The following EYA4 variants were observed in gnomAD, a reference collection of about 807,000 sequenced individuals.
EYA4 encodes the protein protein phosphatase EYA4.
EYA4 carries 31 observed loss-of-function variants against 87.9 expected under a neutral mutation model. That is an observed-to-expected ratio of 0.35 (90% CI 0.27 to 0.48). The LOEUF (loss-of-function observed/expected upper bound fraction) is 0.48. Among genes scored for constraint, EYA4 ranks in the 20% least tolerant of loss-of-function variants. The pLI is 0.99. For synonymous variants in EYA4, 263 were observed against 270.6 expected (o/e 0.97, Z 0.28); for missense variants, 678 against 761.4 (o/e 0.89, Z 1.29).
chr6:133,447,659 G>T (rs1442677440), intron 4 of EYA4, among the ~76,000 whole-genome samples: 1 of 152,012 alleles, frequency 6.6e-6, no homozygotes, highest in Non-Finnish European at 1.5e-5. Flanking sequence ...GCAATCTAAA[G>T]TTTTCTCTGT....
intron 13 of EYA4, among the ~76,000 whole-genome samples, chr6:133,483,968 C>A (rs115989487): frequency 0.031 from 4,757 of 152,114 alleles, 257 homozygotes; most frequent in African/African-American, 0.11. Flanking sequence ...AAGTGATCTG[C>A]CTGCCCCTCG....
chr6:133,464,629 G>C (rs973717805), intron 9 of EYA4, 150 bp from the exon 10 acceptor site: 1 of 653,404 alleles, frequency 1.5e-6, no homozygotes, highest in Admixed American at 2.2e-5. Flanking sequence ...AGAGAGCTAA[G>C]CCTATTTTCT....
At chr6:133,243,158 G>A (rs1248114515) in intron 1 of EYA4, among the ~76,000 whole-genome samples, 1 of 151,542 alleles carries the variant, frequency 6.6e-6, no homozygotes, top group African/African-American at 2.4e-5. Flanking sequence ...GGACTCTGGT[G>A]TTCAAACCCA....
At chr6:133,283,717 T>C (rs1396398349) in intron 2 of EYA4, among the ~76,000 whole-genome samples, 1 of 152,208 alleles carries the variant, frequency 6.6e-6, no homozygotes, top group East Asian at 1.9e-4. Flanking sequence ...AGTGTGGTTT[T>C]GTTACGTGGA....
At chr6:133,417,895 C>T (rs372099200) in intron 3 of EYA4, among the ~76,000 whole-genome samples, 1 of 152,108 alleles carries the variant, frequency 6.6e-6, no homozygotes, top group Non-Finnish European at 1.5e-5. Context: ...TTCACTCACC[C>T]CAAGCATGTA....
chr6:133,510,654 C>A, intron 14 of EYA4: 1 of 206,178 alleles, frequency 4.9e-6, no homozygotes, highest in South Asian at 7.1e-5. Context: ...AATACTTGGT[C>A]AAAGAGGGGA....
At chr6:133,343,465 C>A (rs1197388970) in intron 2 of EYA4, among the ~76,000 whole-genome samples, 2 of 152,040 alleles carry the variant, frequency 1.3e-5, no homozygotes, top group African/African-American at 4.8e-5. Context: ...TATCCTGGAT[C>A]ACTGTTGTTG....
intron 3 of EYA4, among the ~76,000 whole-genome samples, chr6:133,410,011 T>C (rs937328932): frequency 6.6e-6 from 1 of 152,162 alleles, no homozygotes; most frequent in Non-Finnish European, 1.5e-5. Flanking sequence ...ATTTAAAAAA[T>C]AGAGTTATTA....
At chr6:133,328,891 C>T (rs1399578717) in intron 2 of EYA4, among the ~76,000 whole-genome samples, 1 of 152,082 alleles carries the variant, frequency 6.6e-6, no homozygotes, top group Non-Finnish European at 1.5e-5. Context: ...TGCAAAAGCT[C>T]CCATCTGATA....
chr6:133,465,009 A>G lies in EYA4; in HGVS notation c.804+151A>G, dbSNP rs552363737. On this transcript the variant is annotated intron_variant, in intron 10 of 19. Transcript: ENST00000355286. Reference sequence around the variant, plus strand: ...ATTTCAGGATAGTAAAAAATTAGCTATCTAGAATTCTTGGAATATGCATTA... The same window carrying G: ...ATTTCAGGATAGTAAAAAATTAGCTGTCTAGAATTCTTGGAATATGCATTA... 4.8e-6 allele frequency: 3 copies of G among 629,702 alleles called. No individual in the cohort carries two copies. In the Admixed American group the frequency reaches 9.0e-5, roughly 19 times the overall value. 39.0% of individuals were successfully genotyped at this position (629,702 alleles called of 1,614,324 possible).
chr6:133,376,623 C>T (rs1485300692), intron 2 of EYA4, among the ~76,000 whole-genome samples: 1 of 151,732 alleles, frequency 6.6e-6, no homozygotes, highest in Non-Finnish European at 1.5e-5. Flanking sequence ...TATTTGCAAA[C>T]TTTTTTTATG....
intron 2 of EYA4, among the ~76,000 whole-genome samples, chr6:133,290,385 AT>A (rs1194366197): frequency 2.0e-5 from 3 of 152,162 alleles, no homozygotes; most frequent in Admixed American, 6.6e-5. Context: ...GAAGAAAAAA[AT>A]TTGATATGGG....
intron 13 of EYA4, among the ~76,000 whole-genome samples, chr6:133,485,867 AG>A (rs1281023028): frequency 6.6e-6 from 1 of 152,246 alleles, no homozygotes; most frequent in Non-Finnish European, 1.5e-5. Context: ...TTACATTTAT[AG>A]GATACCTGTC....
chr6:133,462,157 C>T, intron 7 of EYA4, 178 bp from the exon 8 acceptor site: 1 of 720,380 alleles, frequency 1.4e-6, no homozygotes, highest in Non-Finnish European at 2.4e-6. Context: ...ACTAGATTGG[C>T]TTGTAGCAGA....
In EYA4 at chr6:133,367,380, G is replaced by A. The variant is rs569085444; in HGVS notation, c.34-15012G>A. Among the ~76,000 whole-genome samples, 8 of 152,328 alleles carry A rather than the reference G, an allele frequency of 5.3e-5. No homozygotes were observed. In the South Asian group the frequency reaches 8.3e-4, roughly 16 times the overall value. On this transcript the variant is annotated intron_variant, in intron 2 of 19. Transcript: ENST00000355286. Reference sequence around the variant, plus strand: ...AAAGGATGCACCCCATGAAACTGCAGTAATTAATTTATTTTCTTGATTTTA... The same window carrying A: ...AAAGGATGCACCCCATGAAACTGCAATAATTAATTTATTTTCTTGATTTTA...
Position 133,294,381 on chromosome 6 carries a change from T to G in EYA4, c.33+19568T>G, listed in dbSNP as rs867443184. Among the ~76,000 whole-genome samples the G allele has an allele frequency of 3.2e-4, 49 of 151,216 alleles. 1 individual carries two copies. Among genetic ancestry groups the G allele is most frequent in the Middle Eastern group, 3.4e-3 (1 of 290 alleles). On this transcript the variant is annotated intron_variant, in intron 2 of 19. Transcript: ENST00000355286. ...TTTGTTTTTGTTTTTTTTGTTTTTT[T>G]TTTTAAGAGACAGTCTTACTTCATT...
At chr6:133,319,753 G>A (rs902591081) in intron 2 of EYA4, among the ~76,000 whole-genome samples, 1 of 142,158 alleles carries the variant, frequency 7.0e-6, no homozygotes, top group Admixed American at 7.2e-5. Flanking sequence ...GCTTCACTCT[G>A]TCACTCAGGC....
chr6:133,430,688 AC>A (rs1791106525), intron 3 of EYA4, among the ~76,000 whole-genome samples: 1 of 152,184 alleles, frequency 6.6e-6, no homozygotes. Flanking sequence ...GTGCAGCAAA[AC>A]CTGGGTAACT....
intron 2 of EYA4, among the ~76,000 whole-genome samples, chr6:133,336,759 A>G (rs940283748): frequency 1.1e-4 from 17 of 152,228 alleles, no homozygotes; most frequent in Admixed American, 1.1e-3. Flanking sequence ...TTTAAAAGCA[A>G]TGATACATAT....
Sources: allele counts gnomAD v4.1 joint callset (sites outside exome capture counted in the v4.1 genomes callset), GRCh38; gene constraint gnomAD v4.1.1; transcripts MANE v1.5; gene names NCBI Gene and HGNC (gene_info 2026-07-23, HGNC 2026-07-21).